Variants in KIFBP observed in about 807,000 individuals in gnomAD.
KIFBP encodes KIF-binding protein.
In KIFBP, 46 loss-of-function variants were observed where a neutral mutation model predicts 58.9. The ratio of observed to expected loss-of-function variants is 0.78; its 90% CI spans 0.62 to 1.00. The LOEUF is 1.00. Among genes scored for constraint, KIFBP ranks in the 50% least tolerant of loss-of-function variants. The pLI, the probability that KIFBP is intolerant of heterozygous loss-of-function variation, is 0.00. For synonymous variants in KIFBP, 241 were observed against 283.4 expected, an observed-to-expected ratio of 0.85 and a Z score of 1.50; for missense variants, 651 against 752.9, an observed-to-expected ratio of 0.86 and a Z score of 1.58.
intron 5 of KIFBP, among the ~76,000 whole-genome samples, chr10:69,010,465 A>C (rs952635379): frequency 4.6e-5 from 7 of 152,164 alleles, no homozygotes; most frequent in African/African-American, 1.2e-4. Flanking sequence ...TATGTATGAC[A>C]CTCTGACCCA....
intron 1 of KIFBP, among the ~76,000 whole-genome samples, chr10:68,994,325 G>A (rs530758211): frequency 6.6e-6 from 1 of 152,226 alleles, no homozygotes; most frequent in African/African-American, 2.4e-5. Context: ...GTATGTATGT[G>A]TGTGTATATG....
At chr10:68,998,342 G>A (rs2263813) in intron 1 of KIFBP, among the ~76,000 whole-genome samples, 5 of 151,888 alleles carry the variant, frequency 3.3e-5, no homozygotes, top group African/African-American at 1.2e-4. Flanking sequence ...TATGATGATT[G>A]TAAAGTAATG....
At position 69,001,339 on chromosome 10, in the gene KIFBP, G is replaced by A. The variant is rs976704095; in HGVS notation, c.525+817G>A. 4.0e-5 allele frequency among the ~76,000 whole-genome samples: 6 copies of A among 151,180 alleles called. No individual in the cohort carries two copies. The East Asian group carries it at 1.2e-3, about 29-fold the overall frequency. ...CACTTTAGGGGTCACAGCCTGCAAA[G>A]GTGACAAGCCACTGTGTTACCATCT... On this transcript the variant is annotated intron_variant, in intron 2 of 6. Transcript: ENST00000361983.
intron 1 of KIFBP, among the ~76,000 whole-genome samples, chr10:68,999,207 C>G (rs1479800430): frequency 6.6e-6 from 1 of 151,910 alleles, no homozygotes; most frequent in Non-Finnish European, 1.5e-5. Context: ...AGGCAGTTCT[C>G]GTGCCTCAGC....
At chr10:69,003,171 C>T (rs952455628) in intron 2 of KIFBP, among the ~76,000 whole-genome samples, 2 of 151,660 alleles carry the variant, frequency 1.3e-5, no homozygotes, top group African/African-American at 4.8e-5. Context: ...AGTTAAGAGA[C>T]TGATTTGACT....
At chr10:69,013,382 G>A (rs1253383366) in intron 6 of KIFBP, among the ~76,000 whole-genome samples, 2 of 152,132 alleles carry the variant, frequency 1.3e-5, no homozygotes, top group African/African-American at 4.8e-5. Context: ...CAGGAAGTAG[G>A]GAGAATAACT....
At position 69,015,895 on chromosome 10, in the gene KIFBP, C is replaced by T. The variant is rs750506715; in HGVS notation, c.1345C>T (p.Arg449Cys). The T allele has an allele frequency of 6.8e-6, 11 of 1,614,090 alleles. No homozygotes were observed. The East Asian group carries it at 1.1e-4, about 16-fold the overall frequency. Residue 449 changes from arginine (R) to cysteine (C), a missense_variant, in exon 7 of 7, where the codon CGC (arginine) becomes TGC (cysteine). By Grantham distance (180) the Arg-to-Cys change is radical. Transcript: ENST00000361983. ...DMERRCKMHK[R>C]RIAMLEPLTV... is the part of the protein sequence containing the mutation. The stretch of plus-strand genomic sequence containing the variant: ...GGAGAGACGGTGCAAGATGCATAAA[C>T]GCAGAATAGCCATGCTAGAGCCCCT...
At position 69,010,914 on chromosome 10, in the gene KIFBP, G is replaced by A. The variant is rs1213874017; in HGVS notation, c.889G>A (p.Gly297Arg). ...SATEDTPEAEGEVPELYHQRK... is the reference protein window; with the variant it reads ...SATEDTPEAEREVPELYHQRK... ...GTATATTTTAGCTCCTGAAGCTGAA[G>A]GAGAAGTGCCAGAGCTTTATCATCA... is the stretch of plus-strand genomic sequence containing the variant. Residue 297 changes from glycine to arginine, a missense_variant, in exon 6 of 7, where the codon GGA becomes AGA. Transcript: ENST00000361983. 1.2e-6 allele frequency: 2 copies of A among 1,613,006 alleles called. No homozygotes were observed. Among genetic ancestry groups the A allele is most frequent in the African/African-American group, 2.7e-5 (2 of 74,916 alleles).
In KIFBP at chr10:69,015,711, A is replaced by G. The variant is rs772882419; in HGVS notation, c.1161A>G (p.Leu387=). The change falls in exon 7 of 7, where the codon TTA becomes TTG. Residue 387 remains leucine, a synonymous_variant. Transcript: ENST00000361983. ...AGAAAGTGAGCTACTTGAGACCTTT[A>G]GATTTTGAAGAAGCCAGAGAACTTT... ...VEEKVSYLRP[L]DFEEARELFL... 5.6e-6 allele frequency: 9 copies of G among 1,614,206 alleles called. No homozygotes were observed. In the East Asian group the frequency reaches 1.8e-4, roughly 32 times the overall value.
intron 1 of KIFBP, among the ~76,000 whole-genome samples, chr10:68,997,510 G>C (rs1041388832): frequency 1.3e-5 from 2 of 152,148 alleles, no homozygotes; most frequent in Non-Finnish European, 2.9e-5. Flanking sequence ...TGCCGTGATT[G>C]TAAGTTTCCC....
intron 6 of KIFBP, among the ~76,000 whole-genome samples, chr10:69,013,456 A>T (rs1016225730): frequency 2.0e-5 from 3 of 152,116 alleles, no homozygotes; most frequent in Non-Finnish European, 2.9e-5. Flanking sequence ...CTGGTCAGGT[A>T]AAGAAAGCTG....
At position 69,016,457 on chromosome 10, in the gene KIFBP, A is replaced by G. The variant is rs867613346; in HGVS notation, c.*41A>G. 5 of 1,605,400 alleles carry G rather than the reference A, an allele frequency of 3.1e-6. No homozygotes were observed. The Middle Eastern group carries it at 8.3e-4, about 266-fold the overall frequency. Reference sequence around the variant, plus strand: ...AAAGGAAATGTGCAATATTGAAGTGATCTTTTTCCCTAGTCAGACAGGCCC... The same window carrying G: ...AAAGGAAATGTGCAATATTGAAGTGGTCTTTTTCCCTAGTCAGACAGGCCC... On this transcript the variant is annotated 3_prime_UTR_variant, in exon 7 of 7. Transcript: ENST00000361983.
chr10:68,997,972 G>A (rs924272919), intron 1 of KIFBP, among the ~76,000 whole-genome samples: 1 of 151,726 alleles, frequency 6.6e-6, no homozygotes, highest in Non-Finnish European at 1.5e-5. Flanking sequence ...ATGAAACCAT[G>A]ATTGTAAGTT....
chr10:69,010,075 ATTAT>A (rs1288993773), intron 5 of KIFBP, among the ~76,000 whole-genome samples: 4 of 152,220 alleles, frequency 2.6e-5, no homozygotes, highest in African/African-American at 4.8e-5. Context: ...TTGCTGAGAT[ATTAT>A]TTAATAATTC....
At chr10:69,011,319 A>C (rs1048174845) in intron 6 of KIFBP, 3 of 244,274 alleles carry the variant, frequency 1.2e-5, no homozygotes, top group African/African-American at 4.6e-5. Flanking sequence ...GGCCTATCTT[A>C]AATACTACCT....
At chr10:68,990,493 A>G (rs895610238) in intron 1 of KIFBP, among the ~76,000 whole-genome samples, 4 of 152,162 alleles carry the variant, frequency 2.6e-5, no homozygotes, top group African/African-American at 9.7e-5. Context: ...AGGAGCCATG[A>G]TCATGCCACT....
rs1431618931 is a variant in KIFBP, at chr10:69,010,930, T to C, written c.905T>C (p.Leu302Pro). 2 of 1,613,936 alleles carry C rather than the reference T, an allele frequency of 1.2e-6. No individual in the cohort carries two copies. The highest frequency in any genetic ancestry group is 1.1e-5 in the South Asian group (1 of 91,094). The change falls in exon 6 of 7, where the codon CTT becomes CCT. Residue 302 changes from leucine to proline, a missense_variant. By Grantham distance (98) the Leu-to-Pro change is moderately conservative. Transcript: ENST00000361983. ...GAAGCTGAAGGAGAAGTGCCAGAGC[T>C]TTATCATCAAAGAAAGGGGGAAATA... The part of the protein sequence containing the change: ...TPEAEGEVPE[L>P]YHQRKGEIAR...
At chr10:68,997,981 T>G (rs1340215304) in intron 1 of KIFBP, among the ~76,000 whole-genome samples, 2 of 151,902 alleles carry the variant, frequency 1.3e-5, no homozygotes, top group African/African-American at 4.8e-5. Context: ...TGATTGTAAG[T>G]TTCCCGAGGC....
rs1843313594 is a variant in KIFBP, at chr10:68,989,187, GT to G, written c.356del (p.Val119GlyfsTer44). 1 of 1,613,732 alleles carries G rather than the reference GT, an allele frequency of 6.2e-7. No homozygotes were observed. The highest frequency in any genetic ancestry group is 1.3e-5 in the African/African-American group (1 of 74,940). ...GCTGTCGGCGGGGGAGGAGCACCTG[GT>G]GAAATGCCTGCGGCTGCTGCGCAGG... is the stretch of plus-strand genomic sequence containing the variant. ...EELSAGEEHL[V>X]KCLRLLRRYR... On this transcript the variant is annotated frameshift_variant, in exon 1 of 7. Coordinates refer to ENST00000361983, the MANE Select transcript of KIFBP (RefSeq NM_015634.4). LOFTEE classifies it high-confidence loss of function.
Sources: gnomAD v4.1 joint callset for allele counts (sites outside exome capture counted in the v4.1 genomes callset) on GRCh38, gnomAD v4.1.1 for gene constraint, MANE v1.5 for transcripts, NCBI Gene and HGNC (gene_info 2026-07-23, HGNC 2026-07-21) for gene names.